Variants in ALPK3 observed in about 807,000 individuals in gnomAD.
The protein encoded by ALPK3 is alpha-protein kinase 3.
ALPK3 carries 102 observed loss-of-function variants against 140.0 expected under a neutral mutation model. The ratio of observed to expected loss-of-function variants is 0.73; its 90% CI spans 0.62 to 0.86. ALPK3 has a LOEUF of 0.86. ALPK3 is among the 40% of genes least tolerant of loss of function. The pLI is 0.00. For synonymous variants in ALPK3, 938 were observed against 898.5 expected (o/e 1.04, Z -0.79); for missense variants, 2,254 against 2,208.2 (o/e 1.02, Z -0.42).
intron 5 of ALPK3, among the ~76,000 whole-genome samples, chr15:84,843,010 C>A (rs1963684654): frequency 6.6e-6 from 1 of 152,198 alleles, no homozygotes; most frequent in African/African-American, 2.4e-5. Flanking sequence ...GGCTTCTCTG[C>A]CTAAATGGTG....
chr15:84,842,142 T>C (rs1310919134), intron 5 of ALPK3, among the ~76,000 whole-genome samples: 3 of 152,244 alleles, frequency 2.0e-5, no homozygotes, highest in African/African-American at 7.2e-5. Flanking sequence ...CAAGCAGTTC[T>C]TGTGTCTCAG....
intron 5 of ALPK3, among the ~76,000 whole-genome samples, chr15:84,841,680 A>G (rs1445612110): frequency 6.6e-6 from 1 of 152,136 alleles, no homozygotes; most frequent in Admixed American, 6.5e-5. Context: ...TTTTGTGTGG[A>G]GACAGGGGTA....
At chr15:84,843,332 G>A (rs1963688054) in intron 5 of ALPK3, among the ~76,000 whole-genome samples, 1 of 152,206 alleles carries the variant, frequency 6.6e-6, no homozygotes, top group Non-Finnish European at 1.5e-5. Context: ...GCCGGGTGTG[G>A]TGGCACGTGC....
Position 84,868,578 on chromosome 15 carries a change from G to T in ALPK3, c.*122G>T. ...AGGTGCACGAAGGAGACACCACTTG[G>T]GGACCTCTCTGAGCAGGCTCTCGTG... On this transcript the variant is annotated 3_prime_UTR_variant, in exon 14 of 14. Transcript: ENST00000258888. The T allele has an allele frequency of 1.0e-6, 1 of 978,566 alleles. No individual in the cohort carries two copies. The highest frequency in any genetic ancestry group is 1.5e-6 in the Non-Finnish European group (1 of 681,650). The allele number at this position is 978,566 out of a possible 1,614,324, so 60.6% of individuals were successfully genotyped here.
In ALPK3 at chr15:84,858,108, C is replaced by G; in HGVS notation, c.3370C>G (p.Pro1124Ala). ...GGGGGAGGCGGGTGGGCAGGCAGCC[C>G]CTGGACAGGGGCCCTCAGCAGAGAG... ...RLGEAGGQAA[P>A]GQGPSAESIA... Residue 1124 changes from proline (P) to alanine (A), a missense_variant, in exon 6 of 14, where the codon CCT (proline) becomes GCT (alanine). Transcript: ENST00000258888. 6.3e-7 allele frequency: 1 copy of G among 1,576,142 alleles called. No individual in the cohort carries two copies. The highest frequency in any genetic ancestry group is 8.6e-7 in the Non-Finnish European group (1 of 1,164,156).
At chr15:84,861,672 T>C (rs1474450287) in intron 9 of ALPK3, among the ~76,000 whole-genome samples, 1 of 152,214 alleles carries the variant, frequency 6.6e-6, no homozygotes, top group East Asian at 1.9e-4. Context: ...CTGATTTTTT[T>C]CTGTAAAAAA....
At chr15:84,837,847 T>G (rs1255047179) in intron 3 of ALPK3, among the ~76,000 whole-genome samples, 1 of 152,248 alleles carries the variant, frequency 6.6e-6, no homozygotes, top group Non-Finnish European at 1.5e-5. Context: ...TCTCAGTCCA[T>G]GTGGCAGAAC....
At position 84,865,613 on chromosome 15, in the gene ALPK3, G is replaced by GTGA. The variant is rs546306294; in HGVS notation, c.4723+952_4723+954dup. On this transcript the variant is annotated intron_variant, in intron 12 of 13. Coordinates refer to ENST00000258888, the MANE Select transcript of ALPK3 (RefSeq NM_020778.5). ...GGAATGTCATCGTCCTCAAGAAGCT[G>GTGA]TGATGAGTAGACCAGTTTCTACTGT... Among the ~76,000 whole-genome samples the GTGA allele has an allele frequency of 2.6e-4, 39 of 152,350 alleles. No homozygotes were observed. In the East Asian group the frequency reaches 5.0e-3, roughly 20 times the overall value.
At chr15:84,819,527 G>T (rs1199721769) in intron 1 of ALPK3, among the ~76,000 whole-genome samples, 1 of 152,202 alleles carries the variant, frequency 6.6e-6, no homozygotes, top group Non-Finnish European at 1.5e-5. Flanking sequence ...GGCAGTTCCT[G>T]CTTCTCTAGT....
At position 84,859,259 on chromosome 15, in the gene ALPK3, G is replaced by C. The variant is rs530179067; in HGVS notation, c.3834G>C (p.Arg1278=). 7.4e-6 allele frequency: 12 copies of C among 1,614,038 alleles called. No individual in the cohort carries two copies. Among genetic ancestry groups the C allele is most frequent in the Non-Finnish European group, 7.6e-6 (9 of 1,180,018 alleles). Residue 1278 remains arginine, a synonymous_variant, in exon 7 of 14, where the codon CGG becomes CGC. Coordinates refer to ENST00000258888, the MANE Select transcript of ALPK3 (RefSeq NM_020778.5). The part of the protein sequence containing the change: ...KDLLKAPQVI[R]KIRVEQFPDA... Reference sequence around the variant, plus strand: ...TGCTCTCAGCCCCACAGGTGATCCGGAAGATTCGGGTGGAGCAGTTTCCTG... The same window carrying C: ...TGCTCTCAGCCCCACAGGTGATCCGCAAGATTCGGGTGGAGCAGTTTCCTG...
chr15:84,859,243 C>T lies in ALPK3; in HGVS notation c.3818C>T (p.Ala1273Val). ...CCTCTTGACTGGGCCCTGCTCTCAG[C>T]CCCACAGGTGATCCGGAAGATTCGG... is the stretch of plus-strand genomic sequence containing the variant. ...KPRKAKDLLKAPQVIRKIRVE... is the reference protein window; with the variant it reads ...KPRKAKDLLKVPQVIRKIRVE... The change falls in exon 7 of 14, where the codon GCC becomes GTC. Residue 1273 changes from alanine (A) to valine (V), a missense_variant and splice_region_variant. Ala to Val is a moderately conservative substitution (Grantham distance 64). Coordinates refer to ENST00000258888, the MANE Select transcript of ALPK3 (RefSeq NM_020778.5). 1 of 1,614,002 alleles carries T rather than the reference C, an allele frequency of 6.2e-7. No individual in the cohort carries two copies. The highest frequency in any genetic ancestry group is 1.1e-5 in the South Asian group (1 of 91,076).
At chr15:84,828,349 T>G (rs1342485525) in intron 3 of ALPK3, among the ~76,000 whole-genome samples, 1 of 151,998 alleles carries the variant, frequency 6.6e-6, no homozygotes, top group Non-Finnish European at 1.5e-5. Flanking sequence ...AGATAATGGG[T>G]GGGAGTGCTG....
chr15:84,829,957 C>T (rs755830345), intron 3 of ALPK3, among the ~76,000 whole-genome samples: 1 of 152,170 alleles, frequency 6.6e-6, no homozygotes, highest in Non-Finnish European at 1.5e-5. Context: ...TAAAACTATC[C>T]TGCTTCAGTT....
At chr15:84,863,475 C>T in intron 10 of ALPK3, 77 bp from the exon 11 acceptor site, 1 of 1,292,962 alleles carries the variant, frequency 7.7e-7, no homozygotes. Context: ...GAATAGGTAG[C>T]CCACTCACTT....
intron 3 of ALPK3, among the ~76,000 whole-genome samples, chr15:84,834,614 T>G (rs1963579743): frequency 6.6e-6 from 1 of 152,270 alleles, no homozygotes; most frequent in South Asian, 2.1e-4. Context: ...TTCCATTCAT[T>G]ATTCTTTTGA....
intron 9 of ALPK3, among the ~76,000 whole-genome samples, chr15:84,861,274 A>G (rs1304407969): frequency 1.3e-5 from 2 of 151,874 alleles, no homozygotes; most frequent in East Asian, 3.9e-4. Context: ...AACATTCTGG[A>G]TTTTGTTGAT....
At position 84,817,597 on chromosome 15, in the gene ALPK3, T is replaced by C; in HGVS notation, c.143+2T>C. 1 of 1,494,954 alleles carries C rather than the reference T, an allele frequency of 6.7e-7. No homozygotes were observed. 92.6% of individuals were successfully genotyped at this position (1,494,954 alleles called of 1,614,324 possible). A position where few individuals can be genotyped will look rare whatever the true frequency, so the allele number is the denominator to read the frequency against. Reference sequence around the variant, plus strand: ...GCTCAGCGTGCGGCCCGAGACCAGGTAAGTGGCACCAAGGGGCAGGGCGGC... The same window carrying C: ...GCTCAGCGTGCGGCCCGAGACCAGGCAAGTGGCACCAAGGGGCAGGGCGGC... On this transcript the variant is annotated splice_donor_variant, in intron 1 of 13. Transcript: ENST00000258888. LOFTEE classifies it high-confidence loss of function.
At chr15:84,866,923 G>A (rs999588906) in intron 12 of ALPK3, among the ~76,000 whole-genome samples, 3 of 151,984 alleles carry the variant, frequency 2.0e-5, no homozygotes, top group Non-Finnish European at 4.4e-5. Context: ...TTGGCTCTAG[G>A]AATCCAAAAA....
intron 3 of ALPK3, among the ~76,000 whole-genome samples, chr15:84,836,251 CA>C (rs1963596171): frequency 6.6e-6 from 1 of 152,128 alleles, no homozygotes; most frequent in Admixed American, 6.5e-5. Flanking sequence ...AGCATGGTCA[CA>C]GGGCCCAGAT....
Sources: allele counts gnomAD v4.1 joint callset (sites outside exome capture counted in the v4.1 genomes callset), GRCh38; gene constraint gnomAD v4.1.1; transcripts MANE v1.5; gene names NCBI Gene and HGNC (gene_info 2026-07-23, HGNC 2026-07-21).